The following ARMC1 variants were observed in gnomAD, a reference collection of about 807,000 sequenced individuals.
The protein encoded by ARMC1 is armadillo repeat containing 1, also known as armadillo repeat-containing protein 1.
A neutral mutation model predicts 31.4 loss-of-function variants in ARMC1; 16 were observed. The observed-to-expected ratio is 0.51, with a 90% confidence interval of 0.34 to 0.77. The LOEUF (loss-of-function observed/expected upper bound fraction) is 0.77, where lower values mean the gene tolerates loss of function less well. Ranked by LOEUF, ARMC1 falls within the 30% of genes least tolerant of loss-of-function variation. The probability of loss-of-function intolerance (pLI) is 0.01; values close to 1 mark genes in which losing one functional copy is unlikely to be tolerated. For synonymous variants in ARMC1, 114 were observed against 118.9 expected, an observed-to-expected ratio of 0.96 and a Z score of 0.27; for missense variants, 259 against 347.5, an observed-to-expected ratio of 0.75 and a Z score of 2.02.
At chr8:65,623,786 CT>C (rs201008780) in intron 2 of ARMC1, among the ~76,000 whole-genome samples, 3 of 26,086 alleles carry the variant, frequency 1.2e-4, no homozygotes, top group East Asian at 1.1e-3. Context: ...AAAGTAAAAT[CT>C]TTTTTTTTTT....
chr8:65,632,093 C>T (rs1210414680), intron 1 of ARMC1, among the ~76,000 whole-genome samples: 1 of 152,168 alleles, frequency 6.6e-6, no homozygotes, highest in Non-Finnish European at 1.5e-5. Flanking sequence ...TGTATAAATG[C>T]ATCTCTTTTA....
rs1464463513 is a variant in ARMC1 at position 65,602,832 on chromosome 8, T to A, written c.*1562A>T. The A allele has an allele frequency of 6.6e-6, 1 of 151,850 alleles. No homozygotes were observed. Among genetic ancestry groups the A allele is most frequent in the African/African-American group, 2.4e-5 (1 of 41,410 alleles). 9.4% of individuals were successfully genotyped at this position (151,850 alleles called of 1,614,324 possible). A position where few individuals can be genotyped will look rare whatever the true frequency, so the allele number is the denominator to read the frequency against. On this transcript the variant is annotated 3_prime_UTR_variant, in exon 7 of 7. Coordinates refer to ENST00000276569, the MANE Select transcript of ARMC1 (RefSeq NM_018120.6). ...AAAGTTATTGTTGCTTTTTTTGTTT[T>A]TTTTTTTTCAGTTTGTGCGTGTCAC...
chr8:65,632,614 AAATAAT>A, intron 1 of ARMC1, among the ~76,000 whole-genome samples: 1 of 152,172 alleles, frequency 6.6e-6, no homozygotes, highest in Admixed American at 6.5e-5. Flanking sequence ...TACCGTCTCA[AAATAAT>A]AATAATAGTA....
At position 65,602,578 on chromosome 8, in the gene ARMC1, A is replaced by G. The variant is rs1807915133; in HGVS notation, c.*1816T>C. ...TGGAATAAAGAACTCTTAGAATTAG[A>G]ACACACAAACATCAAGCTGTAATAC... On this transcript the variant is annotated 3_prime_UTR_variant, in exon 7 of 7. Transcript: ENST00000276569. 1 of 152,214 alleles carries G rather than the reference A, an allele frequency of 6.6e-6. No homozygotes were observed. The highest frequency in any genetic ancestry group is 2.1e-4 in the South Asian group (1 of 4,836). The allele number at this position is 152,214 out of a possible 1,614,324, so 9.4% of individuals were successfully genotyped here.
intron 2 of ARMC1, among the ~76,000 whole-genome samples, chr8:65,623,591 G>A (rs1033276521): frequency 1.3e-4 from 19 of 151,878 alleles, no homozygotes; most frequent in Non-Finnish European, 2.1e-4. Flanking sequence ...CTGGGCGACA[G>A]AGCAAGACTG....
chr8:65,616,418 G>A (rs1808259740), intron 3 of ARMC1, among the ~76,000 whole-genome samples: 1 of 152,246 alleles, frequency 6.6e-6, no homozygotes, highest in Non-Finnish European at 1.5e-5. Flanking sequence ...GGCAGACGGA[G>A]TCTGGTTCAC....
chr8:65,624,765 A>C (rs1267659226), intron 2 of ARMC1, among the ~76,000 whole-genome samples: 3 of 151,694 alleles, frequency 2.0e-5, no homozygotes, highest in Admixed American at 2.0e-4. Flanking sequence ...AAATAAATTA[A>C]AATAAAAACA....
intron 4 of ARMC1, among the ~76,000 whole-genome samples, chr8:65,606,360 C>CAAAAA (rs11437403): frequency 4.3e-5 from 5 of 115,972 alleles, no homozygotes; most frequent in Non-Finnish European, 5.4e-5. Context: ...GACACCATCT[C>CAAAAA]AAAAAAAAAA....
At chr8:65,604,906 C>G (rs1807970177) in intron 6 of ARMC1, among the ~76,000 whole-genome samples, 1 of 152,134 alleles carries the variant, frequency 6.6e-6, no homozygotes, top group South Asian at 2.1e-4. Context: ...ATTTGTTTCC[C>G]CCATCACAAA....
chr8:65,605,123 T>C, intron 6 of ARMC1, 140 bp downstream of exon 6: 1 of 691,916 alleles, frequency 1.4e-6, no homozygotes, highest in South Asian at 2.0e-5. Context: ...TCTATATTTC[T>C]AAAACAGTTA....
At chr8:65,621,224 C>T (rs1808387323) in intron 3 of ARMC1, among the ~76,000 whole-genome samples, 1 of 152,112 alleles carries the variant, frequency 6.6e-6, no homozygotes, top group Admixed American at 6.6e-5. Flanking sequence ...CCAATGGATT[C>T]CTTAGGGCTT....
chr8:65,612,065 C>A (rs1808154381), intron 4 of ARMC1, among the ~76,000 whole-genome samples: 1 of 152,036 alleles, frequency 6.6e-6, no homozygotes, highest in African/African-American at 2.4e-5. Flanking sequence ...CCACCGTGCC[C>A]GGCCTACACT....
At chr8:65,628,117 C>CACTA (rs531397268) in intron 1 of ARMC1, among the ~76,000 whole-genome samples, 393 of 152,258 alleles carry the variant, frequency 2.6e-3, no homozygotes, top group Non-Finnish European at 4.1e-3. Flanking sequence ...AGATGAGGAG[C>CACTA]TAGTCATAGA....
chr8:65,632,141 T>C (rs1328499672), intron 1 of ARMC1, among the ~76,000 whole-genome samples: 2 of 152,276 alleles, frequency 1.3e-5, no homozygotes, highest in African/African-American at 4.8e-5. Flanking sequence ...TGCTAAGCTC[T>C]AAAACTCTGT....
rs1808538348 is a variant in ARMC1 at position 65,627,478 on chromosome 8, A to G, written c.-35-45T>C. The G allele has an allele frequency of 2.7e-6, 3 of 1,114,670 alleles. No individual in the cohort carries two copies. The South Asian group carries it at 7.3e-5, about 27-fold the overall frequency. The allele number at this position is 1,114,670 out of a possible 1,614,324, so 69.0% of individuals were successfully genotyped here. On this transcript the variant is annotated intron_variant, in intron 1 of 6. Transcript: ENST00000276569. Reference sequence around the variant, plus strand: ...AATTAGTTCTAGGCTGCTGAGGTATATTATAGCACTTGTGAAATAACCAGG... The same window carrying G: ...AATTAGTTCTAGGCTGCTGAGGTATGTTATAGCACTTGTGAAATAACCAGG...
At position 65,602,796 on chromosome 8, in the gene ARMC1, T is replaced by A. The variant is rs1187929460; in HGVS notation, c.*1598A>T. 2 of 151,836 alleles carry A rather than the reference T, an allele frequency of 1.3e-5. No individual in the cohort carries two copies. Among genetic ancestry groups the A allele is most frequent in the East Asian group, 3.9e-4 (2 of 5,166 alleles). The allele number at this position is 151,836 out of a possible 1,614,324, so 9.4% of individuals were successfully genotyped here. On this transcript the variant is annotated 3_prime_UTR_variant, in exon 7 of 7. Coordinates refer to ENST00000276569, the MANE Select transcript of ARMC1 (RefSeq NM_018120.6). ...AAGTTATATTATGCATTTAGAGCAATAGGTGCCCTGAAAGTTATTGTTGCT... is the reference window on the plus strand; with the variant it reads ...AAGTTATATTATGCATTTAGAGCAAAAGGTGCCCTGAAAGTTATTGTTGCT...
chr8:65,616,233 C>A (rs965400353), intron 3 of ARMC1, among the ~76,000 whole-genome samples: 4 of 152,188 alleles, frequency 2.6e-5, no homozygotes, highest in African/African-American at 9.6e-5. Context: ...AACCTCCCTG[C>A]CTGATTCTCC....
intron 3 of ARMC1, among the ~76,000 whole-genome samples, chr8:65,620,455 C>T (rs1808370265): frequency 1.3e-5 from 2 of 151,754 alleles, no homozygotes; most frequent in East Asian, 3.9e-4. Context: ...GTGCCCGCCA[C>T]CTCACCTGGC....
chr8:65,611,542 T>C (rs916169359), intron 4 of ARMC1, among the ~76,000 whole-genome samples: 7 of 152,004 alleles, frequency 4.6e-5, no homozygotes, highest in Non-Finnish European at 1.0e-4. Flanking sequence ...GACACGAACA[T>C]AGATCACCAT....
Sources: gnomAD v4.1 joint callset for allele counts (sites outside exome capture counted in the v4.1 genomes callset) on GRCh38, gnomAD v4.1.1 for gene constraint, MANE v1.5 for transcripts, NCBI Gene and HGNC (gene_info 2026-07-23, HGNC 2026-07-21) for gene names.